Variants in RAI1 observed in about 807,000 individuals in gnomAD.
RAI1 encodes the protein retinoic acid-induced protein 1.
RAI1 carries 9 observed loss-of-function variants against 123.8 expected under a neutral mutation model. The observed-to-expected ratio is 0.07, with a 90% CI of 0.04 to 0.13. RAI1 has a LOEUF of 0.13. RAI1 is among the 10% of genes least tolerant of loss of function. The pLI is 1.00. For missense variants in RAI1, 2,256 were observed against 2,545.8 expected (o/e 0.89, Z 2.45); for synonymous variants, 1,231 against 1,127.3 (o/e 1.09, Z -1.84).
chr17:17,713,471 C>A (rs1043441106), intron 1 of RAI1, among the ~76,000 whole-genome samples: 2 of 152,100 alleles, frequency 1.3e-5, no homozygotes, highest in Middle Eastern at 3.2e-3. Flanking sequence ...AAAACCCCAT[C>A]TCTACTGAAA....
rs1350169598 is a variant in RAI1, at chr17:17,794,493, C to G, written c.1545C>G (p.Ala515=). The part of the protein sequence containing the change: ...PQSTHAEPQE[A]DYLSGSEDPL... ...CCACGCATGCGGAGCCGCAGGAGGCCGACTACCTGAGCGGCTCCGAGGACC... is the reference window on the plus strand; with the variant it reads ...CCACGCATGCGGAGCCGCAGGAGGCGGACTACCTGAGCGGCTCCGAGGACC... The change falls in exon 3 of 6, where the codon GCC becomes GCG. Residue 515 remains alanine, a synonymous_variant. Transcript: ENST00000353383. The G allele has an allele frequency of 6.2e-7, 1 of 1,611,812 alleles. No homozygotes were observed. The highest frequency in any genetic ancestry group is 8.5e-7 in the Non-Finnish European group (1 of 1,179,448).
Position 17,794,213 on chromosome 17 carries a change from T to G in RAI1, c.1265T>G (p.Leu422Arg), listed in dbSNP as rs755790638. Residue 422 changes from leucine to arginine, a missense_variant, in exon 3 of 6, where the codon CTC becomes CGC. Leu to Arg is a moderately radical substitution (Grantham distance 102, BLOSUM62 -2). This residue lies in a region of RAI1 where 357 missense variants were observed against 480.2 expected (regional missense o/e 0.74). Coordinates refer to ENST00000353383, the MANE Select transcript of RAI1 (RefSeq NM_030665.4). Reference protein sequence around the residue: ...GNCKPLQKDKLPENLLSDLSL... With the variant: ...GNCKPLQKDKRPENLLSDLSL... ...TGCAAGCCCCTTCAGAAGGACAAGC[T>G]CCCTGAGAACCTGCTGTCGGATCTC... 2 of 1,613,412 alleles carry G rather than the reference T, an allele frequency of 1.2e-6. No homozygotes were observed. The highest frequency in any genetic ancestry group is 1.7e-6 in the Non-Finnish European group (2 of 1,180,012).
At chr17:17,709,596 T>G (rs2882552) in intron 1 of RAI1, among the ~76,000 whole-genome samples, 101,137 of 152,102 alleles carry the variant, frequency 0.66, 34,605 homozygotes, top group African/African-American at 0.79. Context: ...TCTCTTTCCT[T>G]CCCTTCCCTG....
At chr17:17,805,286 A>C (rs1211101567) in intron 4 of RAI1, among the ~76,000 whole-genome samples, 1 of 152,004 alleles carries the variant, frequency 6.6e-6, no homozygotes, top group African/African-American at 2.4e-5. Context: ...GGAGAGTGAA[A>C]TAATGAACAC....
At position 17,798,267 on chromosome 17, in the gene RAI1, C is replaced by T; in HGVS notation, c.5319C>T (p.Ala1773=). 6.2e-7 allele frequency: 1 copy of T among 1,602,222 alleles called. No homozygotes were observed. Among genetic ancestry groups the T allele is most frequent in the Non-Finnish European group, 8.5e-7 (1 of 1,174,044 alleles). The change falls in exon 3 of 6, where the codon GCC becomes GCT. Residue 1773 remains alanine (A), a synonymous_variant. Transcript: ENST00000353383. ...AGCAGGGCCCACTGCGCACCAGTGC[C>T]CGGGGCCTGTCCCGGAGGCTGCAGA... ...PAKQGPLRTS[A]RGLSRRLQSC... is the part of the protein sequence containing the mutation.
intron 1 of RAI1, among the ~76,000 whole-genome samples, chr17:17,711,216 G>A (rs376742183): frequency 1.2e-4 from 18 of 152,314 alleles, no homozygotes; most frequent in African/African-American, 1.7e-4. Context: ...CTCTGGTCAC[G>A]TCCTGGCTGG....
chr17:17,793,271 A>G lies in RAI1; in HGVS notation c.323A>G (p.Tyr108Cys). The G allele has an allele frequency of 6.2e-7, 1 of 1,612,126 alleles. No homozygotes were observed. Among genetic ancestry groups the G allele is most frequent in the Non-Finnish European group, 8.5e-7 (1 of 1,179,672 alleles). Reference protein sequence around the residue: ...PGYGVQDSSPYPGRYAGEESL... With the variant: ...PGYGVQDSSPCPGRYAGEESL... ...TACGGCGTCCAGGACAGCAGCCCCT[A>G]CCCAGGCCGCTATGCTGGTGAGGAG... Residue 108 changes from tyrosine (Y) to cysteine (C), a missense_variant, in exon 3 of 6, where the codon TAC becomes TGC. Transcript: ENST00000353383.
chr17:17,756,565 A>T (rs1202566305), intron 2 of RAI1, among the ~76,000 whole-genome samples: 1 of 152,128 alleles, frequency 6.6e-6, no homozygotes, highest in African/African-American at 2.4e-5. Context: ...CTTGTTCTTC[A>T]CCTTTACCTC....
chr17:17,763,678 A>G (rs974997207), intron 2 of RAI1, among the ~76,000 whole-genome samples: 1 of 152,246 alleles, frequency 6.6e-6, no homozygotes, highest in Non-Finnish European at 1.5e-5. Context: ...CCTGGAGTGT[A>G]GAATCCACGG....
intron 2 of RAI1, among the ~76,000 whole-genome samples, chr17:17,774,728 C>A (rs2031277214): frequency 6.6e-6 from 1 of 152,280 alleles, no homozygotes; most frequent in South Asian, 2.1e-4. Context: ...AGTATATAAA[C>A]ATTTACCTTT....
rs1443902487 is a variant in RAI1 at position 17,727,004 on chromosome 17, C to T, written c.-17+2845C>T. ...ATGTACCATAATTTACTTAATATTCCCCTTTTGTCCAACATTCTGGATGTT... is the reference window on the plus strand; with the variant it reads ...ATGTACCATAATTTACTTAATATTCTCCTTTTGTCCAACATTCTGGATGTT... On this transcript the variant is annotated intron_variant, in intron 2 of 5. Coordinates refer to ENST00000353383, the MANE Select transcript of RAI1 (RefSeq NM_030665.4). 2.0e-5 allele frequency among the ~76,000 whole-genome samples: 3 copies of T among 152,044 alleles called. No individual in the cohort carries two copies. In the East Asian group the frequency reaches 5.8e-4, roughly 29 times the overall value.
chr17:17,710,104 C>T (rs1344067891), intron 1 of RAI1, among the ~76,000 whole-genome samples: 2 of 152,216 alleles, frequency 1.3e-5, no homozygotes, highest in Non-Finnish European at 2.9e-5. Flanking sequence ...ATTCTGAAGA[C>T]CTCGAGCACA....
At chr17:17,748,198 G>A (rs2030001490) in intron 2 of RAI1, among the ~76,000 whole-genome samples, 1 of 152,220 alleles carries the variant, frequency 6.6e-6, no homozygotes, top group African/African-American at 2.4e-5. Context: ...CACCCACCAG[G>A]AATGTCCCTG....
At chr17:17,786,821 C>T (rs2031842381) in intron 2 of RAI1, among the ~76,000 whole-genome samples, 1 of 152,240 alleles carries the variant, frequency 6.6e-6, no homozygotes, top group Admixed American at 6.5e-5. Flanking sequence ...CGCCTGTAAT[C>T]CCAGCACTTT....
intron 2 of RAI1, among the ~76,000 whole-genome samples, chr17:17,727,562 C>T (rs962661506): frequency 4.6e-5 from 7 of 152,218 alleles, no homozygotes; most frequent in African/African-American, 1.2e-4. Flanking sequence ...CCCTGTTGCC[C>T]GCCCCACCTG....
chr17:17,739,370 G>A (rs545533862), intron 2 of RAI1, among the ~76,000 whole-genome samples: 3 of 152,202 alleles, frequency 2.0e-5, no homozygotes, highest in African/African-American at 7.2e-5. Flanking sequence ...AAGCGAAGGT[G>A]GGTGCAAATG....
chr17:17,749,687 C>T (rs565532172), intron 2 of RAI1, among the ~76,000 whole-genome samples: 1 of 152,310 alleles, frequency 6.6e-6, no homozygotes, highest in Non-Finnish European at 1.5e-5. Flanking sequence ...TCTCTCTCCT[C>T]CTTCTCTCTC....
At position 17,799,735 on chromosome 17, in the gene RAI1, C is replaced by T. The variant is rs1262755566; in HGVS notation, c.5565+1222C>T. Reference sequence around the variant, plus strand: ...GCCTGCATCTGAGTGATTCAGTGACCCAGCACAGTGGCCCCAGCCGGTGGC... The same window carrying T: ...GCCTGCATCTGAGTGATTCAGTGACTCAGCACAGTGGCCCCAGCCGGTGGC... On this transcript the variant is annotated intron_variant, in intron 3 of 5. Coordinates refer to ENST00000353383, the MANE Select transcript of RAI1 (RefSeq NM_030665.4). The surrounding 1 kb of genome is among the most constrained non-coding windows in gnomAD (Gnocchi z 4.5). Among the ~76,000 whole-genome samples the T allele has an allele frequency of 1.3e-5, 2 of 152,202 alleles. No individual in the cohort carries two copies. Among genetic ancestry groups the T allele is most frequent in the African/African-American group, 2.4e-5 (1 of 41,440 alleles).
chr17:17,688,843 C>T (rs1027274264), intron 1 of RAI1, among the ~76,000 whole-genome samples: 47 of 152,284 alleles, frequency 3.1e-4, no homozygotes, highest in Middle Eastern at 6.8e-3. Flanking sequence ...CATGATCCGC[C>T]TGCCTCGGCC....
Sources: allele counts gnomAD v4.1 joint callset (sites outside exome capture counted in the v4.1 genomes callset), GRCh38; gene constraint gnomAD v4.1.1; regional missense constraint gnomAD v4.1.1; non-coding constraint Gnocchi (gnomAD v3.1); transcripts MANE v1.5; gene names NCBI Gene and HGNC (gene_info 2026-07-23, HGNC 2026-07-21).